The following SNTG2 variants were observed in gnomAD, a reference collection of about 807,000 sequenced individuals.
SNTG2 encodes gamma-2-syntrophin.
In SNTG2, 74 loss-of-function variants were observed where a neutral mutation model predicts 70.9. The ratio of observed to expected loss-of-function variants is 1.04; its 90% CI spans 0.86 to 1.27. The LOEUF (loss-of-function observed/expected upper bound fraction) is 1.27. Among genes scored for constraint, SNTG2 ranks in the 50% most tolerant of loss-of-function variants. SNTG2 has a pLI of 0.00. For synonymous variants in SNTG2, 278 were observed against 273.8 expected (o/e 1.02, Z -0.15); for missense variants, 717 against 690.7 (o/e 1.04, Z -0.43).
intron 1 of SNTG2, among the ~76,000 whole-genome samples, chr2:1,055,970 G>A (rs1340177159): frequency 6.6e-6 from 1 of 152,084 alleles, no homozygotes; most frequent in East Asian, 1.9e-4. Context: ...GGTCTGATCT[G>A]TCCTGGACAT....
At chr2:1,211,866 T>C (rs1674069771) in intron 9 of SNTG2, among the ~76,000 whole-genome samples, 1 of 152,196 alleles carries the variant, frequency 6.6e-6, no homozygotes, top group African/African-American at 2.4e-5. Flanking sequence ...AAATGCAGAC[T>C]TGATAACCCA....
chr2:1,038,053 T>C (rs1661230393), intron 1 of SNTG2, among the ~76,000 whole-genome samples: 1 of 152,198 alleles, frequency 6.6e-6, no homozygotes, highest in African/African-American at 2.4e-5. Flanking sequence ...TTTGTATTCC[T>C]CCCAGTGGTA....
chr2:1,073,634 T>G lies in SNTG2; in HGVS notation c.73-9884T>G, dbSNP rs13404786. On this transcript the variant is annotated intron_variant, in intron 1 of 16. Coordinates refer to ENST00000308624, the MANE Select transcript of SNTG2 (RefSeq NM_018968.4). ...AAACCTGTGATATCTTTGAGGTTGC[T>G]TGTTCTTCTTTCACACACACTACAT... Among the ~76,000 whole-genome samples, 1,492 of 152,336 alleles carry G rather than the reference T, an allele frequency of 9.8e-3. 11 individuals are homozygous for G. Among genetic ancestry groups the G allele is most frequent in the Non-Finnish European group, 0.017 (1,179 of 68,032 alleles).
chr2:1,152,581 T>C (rs1003374269), intron 6 of SNTG2, among the ~76,000 whole-genome samples: 15 of 148,630 alleles, frequency 1.0e-4, no homozygotes, highest in Non-Finnish European at 1.5e-4. Context: ...TGTGCATGTG[T>C]GTGTGTGCAC....
intron 9 of SNTG2, among the ~76,000 whole-genome samples, chr2:1,225,775 A>G (rs550521639): frequency 6.6e-6 from 1 of 152,314 alleles, no homozygotes; most frequent in African/African-American, 2.4e-5. Flanking sequence ...ATGAAGTAGA[A>G]AAGTGCAGAT....
chr2:1,010,485 A>G (rs1319016815), intron 1 of SNTG2, among the ~76,000 whole-genome samples: 1 of 152,212 alleles, frequency 6.6e-6, no homozygotes, highest in Non-Finnish European at 1.5e-5. Context: ...TCACTCAAGC[A>G]TTTATCTGAG....
intron 4 of SNTG2, among the ~76,000 whole-genome samples, chr2:1,113,498 C>T (rs1666667679): frequency 6.6e-6 from 1 of 151,138 alleles, no homozygotes; most frequent in Non-Finnish European, 1.5e-5. Context: ...TGAGGTTTAA[C>T]CCTTACAGTC....
chr2:1,225,867 G>T (rs1675740949), intron 9 of SNTG2, among the ~76,000 whole-genome samples: 1 of 152,192 alleles, frequency 6.6e-6, no homozygotes. Flanking sequence ...CACGGTGTGT[G>T]CAGCTTAGCA....
intron 13 of SNTG2, among the ~76,000 whole-genome samples, chr2:1,263,796 T>C (rs1678574430): frequency 6.6e-6 from 1 of 152,240 alleles, no homozygotes; most frequent in Non-Finnish European, 1.5e-5. Flanking sequence ...AACATTTTTA[T>C]CACGATTCCA....
chr2:1,356,291 T>A (rs1290537852), intron 16 of SNTG2, among the ~76,000 whole-genome samples: 1 of 152,232 alleles, frequency 6.6e-6, no homozygotes, highest in African/African-American at 2.4e-5. Context: ...TTTTCCACTG[T>A]TTTCTTCTAG....
At chr2:956,084 A>ACC (rs1660134097) in intron 1 of SNTG2, among the ~76,000 whole-genome samples, 1 of 83,978 alleles carries the variant, frequency 1.2e-5, no homozygotes, top group African/African-American at 4.6e-5. Context: ...ACTTGTGCCA[A>ACC]ATGCTCCGCA....
At chr2:969,366 T>C (rs2147954456) in intron 1 of SNTG2, among the ~76,000 whole-genome samples, 1 of 141,620 alleles carries the variant, frequency 7.1e-6, no homozygotes, top group Non-Finnish European at 1.5e-5. Context: ...TTGTGCCATA[T>C]GAATTTTATA....
At chr2:1,132,379 C>T (rs1232063866) in intron 4 of SNTG2, among the ~76,000 whole-genome samples, 3 of 152,166 alleles carry the variant, frequency 2.0e-5, no homozygotes, top group Non-Finnish European at 4.4e-5. Context: ...AGCAGCACTC[C>T]TTTCCAGACG....
intron 9 of SNTG2, among the ~76,000 whole-genome samples, chr2:1,222,351 A>G (rs924321497): frequency 2.0e-5 from 3 of 152,248 alleles, no homozygotes; most frequent in South Asian, 2.1e-4. Context: ...TAAATTCGTA[A>G]CAAGTTGTCT....
chr2:1,221,453 C>CTG (rs1674822913), intron 9 of SNTG2, among the ~76,000 whole-genome samples: 1 of 131,398 alleles, frequency 7.6e-6, no homozygotes, highest in Non-Finnish European at 1.6e-5. Flanking sequence ...GTCTCTGTCT[C>CTG]TCTCTGTCTC....
intron 4 of SNTG2, among the ~76,000 whole-genome samples, chr2:1,128,685 T>C (rs1667849377): frequency 1.3e-5 from 2 of 152,000 alleles, no homozygotes; most frequent in African/African-American, 2.4e-5. Flanking sequence ...TGCCATGATA[T>C]GGTGGAGGGT....
intron 2 of SNTG2, among the ~76,000 whole-genome samples, chr2:1,084,412 C>A (rs1422991979): frequency 6.6e-6 from 1 of 152,188 alleles, no homozygotes; most frequent in East Asian, 1.9e-4. Flanking sequence ...CTGTGAACAT[C>A]CTGGCTCACA....
chr2:1,068,878 A>G (rs1399872467), intron 1 of SNTG2, among the ~76,000 whole-genome samples: 1 of 152,224 alleles, frequency 6.6e-6, no homozygotes, highest in Non-Finnish European at 1.5e-5. Flanking sequence ...GAGAAATGTC[A>G]CTTATGCGCC....
chr2:1,082,066 T>G (rs1280319175), intron 1 of SNTG2, among the ~76,000 whole-genome samples: 2 of 152,080 alleles, frequency 1.3e-5, no homozygotes, highest in Non-Finnish European at 2.9e-5. Flanking sequence ...TGCGTGGGGA[T>G]CAGCTGAGGA....
Sources: gnomAD v4.1 joint callset for allele counts (sites outside exome capture counted in the v4.1 genomes callset) on GRCh38, gnomAD v4.1.1 for gene constraint, MANE v1.5 for transcripts, NCBI Gene and HGNC (gene_info 2026-07-23, HGNC 2026-07-21) for gene names.